The following GRM1 variants were observed in gnomAD, a reference collection of about 807,000 sequenced individuals.
GRM1 encodes glutamate metabotropic receptor 1, also known as metabotropic glutamate receptor 1.
GRM1 carries 33 observed loss-of-function variants against 90.9 expected under a neutral mutation model. That is an observed-to-expected ratio of 0.36 (90% CI 0.28 to 0.49). The LOEUF (loss-of-function observed/expected upper bound fraction) is 0.49, where lower values mean the gene tolerates loss of function less well. Among genes scored for constraint, GRM1 ranks in the 20% least tolerant of loss-of-function variants. GRM1 has a pLI of 0.99. For missense variants in GRM1, 1,190 were observed against 1,534.3 expected, an observed-to-expected ratio of 0.78 and a Z score of 3.75; for synonymous variants, 700 against 613.2, an observed-to-expected ratio of 1.14 and a Z score of -2.09.
intron 3 of GRM1, among the ~76,000 whole-genome samples, chr6:146,319,021 G>T (rs765147047): frequency 1.8e-4 from 27 of 152,016 alleles, no homozygotes; most frequent in Non-Finnish European, 3.5e-4. Flanking sequence ...GTCAATTTTG[G>T]CTTTTGTTGC....
intron 2 of GRM1, among the ~76,000 whole-genome samples, chr6:146,169,409 GT>G (rs1174639415): frequency 6.6e-6 from 1 of 152,122 alleles, no homozygotes; most frequent in African/African-American, 2.4e-5. Context: ...TATGGGGTAT[GT>G]GCTGTTCTCA....
rs553827997 is a variant in GRM1, at chr6:146,431,034, T to C, written c.2661-2838T>C. 2.0e-5 allele frequency among the ~76,000 whole-genome samples: 3 copies of C among 152,334 alleles called. No homozygotes were observed. The South Asian group carries it at 6.2e-4, about 32-fold the overall frequency. On this transcript the variant is annotated intron_variant, in intron 7 of 7. Coordinates refer to ENST00000282753, the MANE Select transcript of GRM1 (RefSeq NM_001278064.2). Reference sequence around the variant, plus strand: ...GACCACAGGTAAGAAATGACTCATCTTGAAGAACTAAAGTTTGTACTCAGT... The same window carrying C: ...GACCACAGGTAAGAAATGACTCATCCTGAAGAACTAAAGTTTGTACTCAGT...
intron 1 of GRM1, among the ~76,000 whole-genome samples, chr6:146,064,115 G>T (rs1775764899): frequency 6.6e-6 from 1 of 152,102 alleles, no homozygotes; most frequent in Non-Finnish European, 1.5e-5. Context: ...TAGAAATCCA[G>T]GATATATAAT....
At chr6:146,343,943 T>C (rs1231509833) in intron 3 of GRM1, among the ~76,000 whole-genome samples, 2 of 152,206 alleles carry the variant, frequency 1.3e-5, no homozygotes, top group East Asian at 3.8e-4. Flanking sequence ...GCATTGGGTG[T>C]GCTTACTGCT....
Position 146,435,452 on chromosome 6 carries a change from GC to G in GRM1, c.*657del, listed in dbSNP as rs1408156163. 3.8e-5 allele frequency: 6 copies of G among 155,978 alleles called. No homozygotes were observed. The highest frequency in any genetic ancestry group is 3.7e-4 in the Admixed American group (6 of 16,256). The allele number at this position is 155,978 out of a possible 1,614,324, so 9.7% of individuals were successfully genotyped here. A position where few individuals can be genotyped will look rare whatever the true frequency, so the allele number is the denominator to read the frequency against. ...ATCCACTGCAACCCATCCAGTGCCAGCTTTGAGATTGCACTTGAAGAAAGGT... is the reference window on the plus strand; with the variant it reads ...ATCCACTGCAACCCATCCAGTGCCAGTTTGAGATTGCACTTGAAGAAAGGT... On this transcript the variant is annotated 3_prime_UTR_variant, in exon 8 of 8. Transcript: ENST00000282753.
chr6:146,252,561 C>T (rs1305160472), intron 2 of GRM1, among the ~76,000 whole-genome samples: 1 of 150,330 alleles, frequency 6.7e-6, no homozygotes, highest in Non-Finnish European at 1.5e-5. Context: ...GCAGTGAGAG[C>T]TGAGATCCCG....
chr6:146,286,692 TAAC>T (rs1180144345), intron 2 of GRM1, among the ~76,000 whole-genome samples: 1 of 152,218 alleles, frequency 6.6e-6, no homozygotes, highest in Admixed American at 6.5e-5. Context: ...GCGTAGTTGT[TAAC>T]AAGTTTTTGC....
chr6:146,251,851 G>T (rs915220727), intron 2 of GRM1, among the ~76,000 whole-genome samples: 1 of 152,046 alleles, frequency 6.6e-6, no homozygotes, highest in African/African-American at 2.4e-5. Flanking sequence ...TCTTGATTTT[G>T]CCCAGCACAT....
rs1778509870 is a variant in GRM1 at position 146,434,124 on chromosome 6, T to C, written c.2913T>C (p.Pro971=). The C allele has an allele frequency of 6.2e-7, 1 of 1,614,022 alleles. No homozygotes were observed. The highest frequency in any genetic ancestry group is 1.1e-5 in the South Asian group (1 of 91,082). ...CCCAGCCGATTCGCTTTAGCCCGCC[T>C]GGTAGCCCTTCCATGGTGGTGCACA... is the stretch of plus-strand genomic sequence containing the variant. The part of the protein sequence containing the change: ...EDAQPIRFSP[P]GSPSMVVHRR... Residue 971 remains proline, a synonymous_variant, in exon 8 of 8, where the codon CCT becomes CCC. Transcript: ENST00000282753.
chr6:146,179,390 A>G (rs938834107), intron 2 of GRM1, among the ~76,000 whole-genome samples: 1 of 152,254 alleles, frequency 6.6e-6, no homozygotes, highest in African/African-American at 2.4e-5. Flanking sequence ...GTATCAGTGT[A>G]GGGTCAATTG....
chr6:146,388,593 G>T (rs1288090431), intron 6 of GRM1, among the ~76,000 whole-genome samples: 1 of 152,038 alleles, frequency 6.6e-6, no homozygotes, highest in South Asian at 2.1e-4. Flanking sequence ...CCTTTTTAAA[G>T]AGAAGAAAAG....
chr6:146,132,236 A>G (rs1277827019), intron 1 of GRM1, among the ~76,000 whole-genome samples: 1 of 152,136 alleles, frequency 6.6e-6, no homozygotes, highest in Non-Finnish European at 1.5e-5. Flanking sequence ...TAAGATAGCT[A>G]TGATTTCTAG....
chr6:146,033,592 G>A (rs57556516), intron 1 of GRM1, among the ~76,000 whole-genome samples: 3,242 of 151,824 alleles, frequency 0.021, 110 homozygotes, highest in African/African-American at 0.074. Flanking sequence ...CAGTTACTTA[G>A]ATAAGTATTG....
chr6:146,401,082 A>G (rs990292007), intron 7 of GRM1, among the ~76,000 whole-genome samples: 6 of 152,038 alleles, frequency 3.9e-5, no homozygotes, highest in African/African-American at 1.2e-4. Flanking sequence ...TGGTTTTTGT[A>G]TCTTTACTTT....
chr6:146,045,818 A>C (rs537241861), intron 1 of GRM1, among the ~76,000 whole-genome samples: 23 of 149,124 alleles, frequency 1.5e-4, no homozygotes, highest in African/African-American at 5.6e-4. Flanking sequence ...TCTACTTATT[A>C]TCACTCTTCC....
At chr6:146,413,095 T>C (rs1296138828) in intron 7 of GRM1, among the ~76,000 whole-genome samples, 1 of 152,198 alleles carries the variant, frequency 6.6e-6, no homozygotes, top group Non-Finnish European at 1.5e-5. Flanking sequence ...ACTTAGATTT[T>C]GCTTATTGAA....
intron 1 of GRM1, among the ~76,000 whole-genome samples, chr6:146,155,978 G>A (rs925757824): frequency 4.6e-5 from 7 of 152,212 alleles, no homozygotes; most frequent in South Asian, 4.1e-4. Flanking sequence ...AATGGATGCC[G>A]GGAGGCCAAT....
At chr6:146,162,389 A>G (rs551313846) in intron 2 of GRM1, among the ~76,000 whole-genome samples, 1 of 152,188 alleles carries the variant, frequency 6.6e-6, no homozygotes, top group African/African-American at 2.4e-5. Flanking sequence ...CACACTTCAC[A>G]TGCAATGTGT....
intron 2 of GRM1, among the ~76,000 whole-genome samples, chr6:146,172,147 C>T (rs1247863388): frequency 6.6e-6 from 1 of 152,076 alleles, no homozygotes; most frequent in Non-Finnish European, 1.5e-5. Context: ...ATGAGTGTCA[C>T]TGGGCTAAAA....
Sources: allele counts gnomAD v4.1 joint callset (sites outside exome capture counted in the v4.1 genomes callset), GRCh38; gene constraint gnomAD v4.1.1; transcripts MANE v1.5; gene names NCBI Gene and HGNC (gene_info 2026-07-23, HGNC 2026-07-21).